Variants in PCDH7 observed in about 807,000 individuals in gnomAD.
The protein encoded by PCDH7 is protocadherin 7.
A neutral mutation model predicts 58.9 loss-of-function variants in PCDH7; 17 were observed. That is an observed-to-expected ratio of 0.29 (90% CI 0.20 to 0.43). The LOEUF (loss-of-function observed/expected upper bound fraction) is 0.43. Ranked by LOEUF, PCDH7 falls within the 20% of genes least tolerant of loss-of-function variation. PCDH7 has a pLI of 1.00. For synonymous variants in PCDH7, 664 were observed against 616.4 expected (o/e 1.08, Z -1.14); for missense variants, 1,274 against 1,441.0 (o/e 0.88, Z 1.88).
At chr4:31,074,408 A>T (rs1308378571) in intron 3 of PCDH7, among the ~76,000 whole-genome samples, 1 of 152,012 alleles carries the variant, frequency 6.6e-6, no homozygotes, top group Non-Finnish European at 1.5e-5. Context: ...AATGACAGCG[A>T]GTACAAACTA....
At chr4:31,027,586 C>A (rs1275902173) in intron 3 of PCDH7, among the ~76,000 whole-genome samples, 3 of 151,972 alleles carry the variant, frequency 2.0e-5, no homozygotes, top group Non-Finnish European at 4.4e-5. Context: ...CCACGCCCAA[C>A]TAATTTTTGT....
intron 1 of PCDH7, among the ~76,000 whole-genome samples, chr4:30,767,965 C>T (rs1026901128): frequency 1.3e-5 from 2 of 152,130 alleles, no homozygotes; most frequent in African/African-American, 4.8e-5. Context: ...TTCATTATTA[C>T]AGTTTTATCA....
rs915161826 is a variant in PCDH7 at position 31,072,200 on chromosome 4, A to C, written c.*8-70273A>C. On this transcript the variant is annotated intron_variant, in intron 3 of 3. Transcript: ENST00000509759. ...TTTTCTGGGTTTCATCATATTTGGT[A>C]GAAATAATATGTTAAATCTTTTTTA... Among the ~76,000 whole-genome samples the C allele has an allele frequency of 5.9e-5, 9 of 152,234 alleles. No homozygotes were observed. The South Asian group carries it at 1.7e-3, about 28-fold the overall frequency.
chr4:30,955,099 A>T (rs1019488549), intron 3 of PCDH7, among the ~76,000 whole-genome samples: 22 of 152,168 alleles, frequency 1.4e-4, no homozygotes, highest in African/African-American at 5.1e-4. Flanking sequence ...AATGATTATT[A>T]TAATTTTTAA....
At chr4:30,901,248 A>G (rs1436254939) in intron 1 of PCDH7, among the ~76,000 whole-genome samples, 1 of 152,216 alleles carries the variant, frequency 6.6e-6, no homozygotes, top group African/African-American at 2.4e-5. Context: ...ATAATAAGTC[A>G]CATTTACATT....
At chr4:31,077,958 A>G (rs1304884310) in intron 3 of PCDH7, among the ~76,000 whole-genome samples, 2 of 152,182 alleles carry the variant, frequency 1.3e-5, no homozygotes, top group African/African-American at 2.4e-5. Flanking sequence ...TTCTGATCCC[A>G]GAATTTACTG....
chr4:31,123,750 A>G (rs1488945519), intron 3 of PCDH7, among the ~76,000 whole-genome samples: 1 of 152,154 alleles, frequency 6.6e-6, no homozygotes, highest in Non-Finnish European at 1.5e-5. Flanking sequence ...GGTCCCACGA[A>G]CAGATTGAAG....
intron 3 of PCDH7, among the ~76,000 whole-genome samples, chr4:30,968,292 C>A (rs1164212181): frequency 0.033 from 847 of 25,624 alleles, 62 homozygotes; most frequent in African/African-American, 0.23. Context: ...AAATTACTCT[C>A]TCTCTCTCTC....
At chr4:31,101,826 T>C (rs1714930039) in intron 3 of PCDH7, among the ~76,000 whole-genome samples, 1 of 152,220 alleles carries the variant, frequency 6.6e-6, no homozygotes, top group Admixed American at 6.5e-5. Context: ...ATATATGAGA[T>C]GTTCCCCTTG....
At chr4:30,892,664 A>G (rs1738775124) in intron 1 of PCDH7, among the ~76,000 whole-genome samples, 1 of 152,062 alleles carries the variant, frequency 6.6e-6, no homozygotes, top group Non-Finnish European at 1.5e-5. Flanking sequence ...TAAATAGTGA[A>G]TCATTAGTAA....
chr4:30,761,429 T>A (rs2109269008), intron 1 of PCDH7, among the ~76,000 whole-genome samples: 1 of 152,322 alleles, frequency 6.6e-6, no homozygotes, highest in South Asian at 2.1e-4. Flanking sequence ...AAGATGAAAT[T>A]AATTTTAATT....
At chr4:31,117,273 G>A (rs1717116522) in intron 3 of PCDH7, among the ~76,000 whole-genome samples, 2 of 152,164 alleles carry the variant, frequency 1.3e-5, no homozygotes, top group African/African-American at 2.4e-5. Flanking sequence ...TAAGCAAAAT[G>A]TCAGTAAACC....
At chr4:30,978,761 A>G (rs573466463) in intron 3 of PCDH7, among the ~76,000 whole-genome samples, 1 of 152,302 alleles carries the variant, frequency 6.6e-6, no homozygotes, top group East Asian at 1.9e-4. Context: ...TATCTGTAAT[A>G]AAATACATCA....
intron 1 of PCDH7, among the ~76,000 whole-genome samples, chr4:30,910,571 C>T (rs1287640610): frequency 2.6e-5 from 4 of 152,082 alleles, no homozygotes; most frequent in African/African-American, 7.2e-5. Flanking sequence ...CCATCATCAC[C>T]AGTCATCAGA....
At chr4:31,019,559 G>A (rs1048265750) in intron 3 of PCDH7, among the ~76,000 whole-genome samples, 2 of 151,986 alleles carry the variant, frequency 1.3e-5, no homozygotes, top group Non-Finnish European at 2.9e-5. Context: ...ATCCGGGTGT[G>A]GTGGTGGATG....
chr4:31,080,965 C>T (rs185747898), intron 3 of PCDH7, among the ~76,000 whole-genome samples: 1 of 152,276 alleles, frequency 6.6e-6, no homozygotes, highest in East Asian at 1.9e-4. Flanking sequence ...TCTTGTCTGT[C>T]GCCATGTAAG....
At chr4:30,879,444 A>ATT (rs138466060) in intron 1 of PCDH7, among the ~76,000 whole-genome samples, 13 of 151,078 alleles carry the variant, frequency 8.6e-5, no homozygotes, top group African/African-American at 2.7e-4. Context: ...ATATTAGAGT[A>ATT]TTTTTTTTTG....
chr4:31,142,503 C>T, exon 4 of PCDH7: 1 of 1,367,708 alleles, frequency 7.3e-7, no homozygotes. Flanking sequence ...GTAGCCCTGA[C>T]TGGGAAGTGC....
chr4:31,131,347 G>T (rs1255734123), intron 3 of PCDH7, among the ~76,000 whole-genome samples: 2 of 152,082 alleles, frequency 1.3e-5, no homozygotes, highest in African/African-American at 2.4e-5. Context: ...TGATCATTGA[G>T]TTTTGTTTGC....
Sources: gnomAD v4.1 joint callset for allele counts (sites outside exome capture counted in the v4.1 genomes callset) on GRCh38, gnomAD v4.1.1 for gene constraint, MANE v1.5 for transcripts, NCBI Gene and HGNC (gene_info 2026-07-23, HGNC 2026-07-21) for gene names.